The following SNAP23 variants were observed in gnomAD, a reference collection of about 807,000 sequenced individuals.
SNAP23 encodes synaptosomal-associated protein 23.
SNAP23 carries 11 observed loss-of-function variants against 29.0 expected under a neutral mutation model. That is an observed-to-expected ratio of 0.38 (90% CI 0.24 to 0.63). SNAP23 has a LOEUF of 0.63. Ranked by LOEUF, SNAP23 falls within the 20% of genes least tolerant of loss-of-function variation. The pLI, the probability that SNAP23 is intolerant of heterozygous loss-of-function variation, is 0.58. For synonymous variants in SNAP23, 60 were observed against 82.9 expected (o/e 0.72, Z 1.50); for missense variants, 220 against 253.9 (o/e 0.87, Z 0.91).
At chr15:42,516,940 G>A (rs890427761) in intron 5 of SNAP23, among the ~76,000 whole-genome samples, 1 of 152,148 alleles carries the variant, frequency 6.6e-6, no homozygotes, top group East Asian at 1.9e-4. Flanking sequence ...TATTTTTTGA[G>A]ACGGAGTCTC....
intron 1 of SNAP23, among the ~76,000 whole-genome samples, chr15:42,509,979 G>T (rs1340768228): frequency 6.6e-6 from 1 of 152,174 alleles, no homozygotes; most frequent in South Asian, 2.1e-4. Flanking sequence ...TGAGGCAGGA[G>T]AATTGCTTGA....
intron 5 of SNAP23, among the ~76,000 whole-genome samples, chr15:42,524,188 T>G (rs2057474681): frequency 6.6e-6 from 1 of 152,168 alleles, no homozygotes. Context: ...CTCCAATATA[T>G]AGACTACTAG....
chr15:42,519,475 G>T (rs1237287045), intron 5 of SNAP23, among the ~76,000 whole-genome samples: 1 of 151,070 alleles, frequency 6.6e-6, no homozygotes, highest in Non-Finnish European at 1.5e-5. Flanking sequence ...GGGTTCAATC[G>T]ATTCTCATGC....
At chr15:42,517,199 C>T (rs568652147) in intron 5 of SNAP23, among the ~76,000 whole-genome samples, 3 of 152,156 alleles carry the variant, frequency 2.0e-5, no homozygotes, top group Non-Finnish European at 1.5e-5. Context: ...GGATTACATG[C>T]GTGAGCCACT....
chr15:42,502,422 C>T (rs992468883), intron 1 of SNAP23, among the ~76,000 whole-genome samples: 1 of 152,132 alleles, frequency 6.6e-6, no homozygotes, highest in Non-Finnish European at 1.5e-5. Context: ...TGGTGTCTCA[C>T]GCCTTCTGGC....
intron 5 of SNAP23, among the ~76,000 whole-genome samples, chr15:42,518,696 G>A (rs2057418346): frequency 6.6e-6 from 1 of 152,002 alleles, no homozygotes; most frequent in Non-Finnish European, 1.5e-5. Flanking sequence ...TGGGATTGCA[G>A]GCATGAGCCA....
chr15:42,525,346 C>T (rs112568544), intron 5 of SNAP23, among the ~76,000 whole-genome samples: 5 of 132,056 alleles, frequency 3.8e-5, no homozygotes, highest in African/African-American at 1.2e-4. Flanking sequence ...CCAGCCTGGG[C>T]GATACAGCGA....
chr15:42,522,716 T>TAAAAAAAAAAAAAAA (rs10553237), intron 5 of SNAP23, among the ~76,000 whole-genome samples: 2 of 104,898 alleles, frequency 1.9e-5, no homozygotes, highest in African/African-American at 3.1e-5. Flanking sequence ...CAACCAAAAC[T>TAAAAAAAAAAAAAAA]AAAAAAAAAA....
At chr15:42,495,363 A>C (rs1283983449), upstream of SNAP23, 1 of 152,272 alleles carries the variant, frequency 6.6e-6, no homozygotes, top group Non-Finnish European at 1.5e-5. Context: ...GATGAAGAGC[A>C]GGGAAAGCAC....
Position 42,532,022 on chromosome 15 carries a change from C to T in SNAP23, c.*544C>T, listed in dbSNP as rs1167022507. The T allele has an allele frequency of 6.6e-6, 1 of 152,038 alleles. No homozygotes were observed. Among genetic ancestry groups the T allele is most frequent in the Non-Finnish European group, 1.5e-5 (1 of 68,026 alleles). 9.4% of individuals were successfully genotyped at this position (152,038 alleles called of 1,614,324 possible). A position where few individuals can be genotyped will look rare whatever the true frequency, so the allele number is the denominator to read the frequency against. The stretch of plus-strand genomic sequence containing the variant: ...AATGCTTGGTTTTGGAGCTTTTATA[C>T]ACAACGTTTTTGTTAGGCATCACAG... On this transcript the variant is annotated 3_prime_UTR_variant, in exon 8 of 8. Transcript: ENST00000249647.
intron 5 of SNAP23, among the ~76,000 whole-genome samples, chr15:42,527,579 AT>A (rs1179263756): frequency 6.6e-6 from 1 of 151,832 alleles, no homozygotes; most frequent in Non-Finnish European, 1.5e-5. Context: ...TAGAGATGGC[AT>A]TTTGAGGCAG....
At chr15:42,515,956 G>A (rs1047688795) in intron 5 of SNAP23, among the ~76,000 whole-genome samples, 2 of 152,142 alleles carry the variant, frequency 1.3e-5, no homozygotes, top group African/African-American at 4.8e-5. Flanking sequence ...GGAACAGTGA[G>A]GGCATTTCCT....
At chr15:42,531,334 C>G (rs532540654) in intron 7 of SNAP23, 79 bp from the exon 8 acceptor site, 1 of 886,228 alleles carries the variant, frequency 1.1e-6, no homozygotes, top group South Asian at 2.4e-5. Flanking sequence ...CTTGGTGTGT[C>G]AGTTACTCCA....
Position 42,511,917 on chromosome 15 carries a change from C to T in SNAP23, c.57+14C>T, listed in dbSNP as rs903663048. ...ATTACTGATGAGGTAAATGTTTTACCTAAAATAAGTAAATAATTCTATTTC... is the reference window on the plus strand; with the variant it reads ...ATTACTGATGAGGTAAATGTTTTACTTAAAATAAGTAAATAATTCTATTTC... On this transcript the variant is annotated intron_variant, in intron 2 of 7. Transcript: ENST00000249647. The T allele has an allele frequency of 1.3e-6, 2 of 1,539,962 alleles. No homozygotes were observed. Among genetic ancestry groups the T allele is most frequent in the African/African-American group, 1.4e-5 (1 of 73,356 alleles).
intron 5 of SNAP23, among the ~76,000 whole-genome samples, chr15:42,518,041 A>G: frequency 6.6e-6 from 1 of 150,748 alleles, no homozygotes; most frequent in Admixed American, 6.6e-5. Flanking sequence ...TTTTTCTGGC[A>G]CTTCTTGAGA....
intron 4 of SNAP23, among the ~76,000 whole-genome samples, chr15:42,514,693 C>T (rs2141529660): frequency 6.8e-6 from 1 of 147,100 alleles, no homozygotes; most frequent in South Asian, 2.2e-4. Context: ...TCCTACTATA[C>T]AAGATTCTTT....
At chr15:42,499,990 A>T (rs2057254808) in intron 1 of SNAP23, among the ~76,000 whole-genome samples, 1 of 152,276 alleles carries the variant, frequency 6.6e-6, no homozygotes, top group Middle Eastern at 3.4e-3. Flanking sequence ...AAAATTTTTT[A>T]AAAAACTAGC....
At chr15:42,513,855 C>A (rs961289160) in intron 4 of SNAP23, among the ~76,000 whole-genome samples, 2 of 151,966 alleles carry the variant, frequency 1.3e-5, no homozygotes, top group Non-Finnish European at 2.9e-5. Flanking sequence ...CTCTTCTTGC[C>A]CAGGCTGGAG....
upstream of SNAP23, among the ~76,000 whole-genome samples, chr15:42,493,276 T>A (rs2057189357): frequency 6.6e-6 from 1 of 151,686 alleles, no homozygotes; most frequent in Non-Finnish European, 1.5e-5. Flanking sequence ...AAGGTAGAGG[T>A]TGCAGTGAGC....
Sources: gnomAD v4.1 joint callset for allele counts (sites outside exome capture counted in the v4.1 genomes callset) on GRCh38, gnomAD v4.1.1 for gene constraint, MANE v1.5 for transcripts, NCBI Gene and HGNC (gene_info 2026-07-23, HGNC 2026-07-21) for gene names.